Variants in TUSC3 observed in about 807,000 individuals in gnomAD.
TUSC3 encodes the protein tumor suppressor candidate 3.
TUSC3 carries 45 observed loss-of-function variants against 44.8 expected under a neutral mutation model. The ratio of observed to expected loss-of-function variants is 1.00; its 90% CI spans 0.79 to 1.29. The LOEUF (loss-of-function observed/expected upper bound fraction) is 1.29. TUSC3 is among the 50% of genes most tolerant of loss of function. The probability of loss-of-function intolerance (pLI) is 0.00; values close to 1 mark genes in which losing one functional copy is unlikely to be tolerated. For missense variants in TUSC3, 519 were observed against 437.9 expected, an observed-to-expected ratio of 1.19 and a Z score of -1.65; for synonymous variants, 212 against 152.9, an observed-to-expected ratio of 1.39 and a Z score of -2.85.
At chr8:15,689,982 G>A (rs967214436) in intron 6 of TUSC3, among the ~76,000 whole-genome samples, 2 of 152,026 alleles carry the variant, frequency 1.3e-5, no homozygotes, top group African/African-American at 4.8e-5. Context: ...ATACACGTCT[G>A]TGTGTCTTTA....
chr8:15,421,750 G>C (rs904461272), intron 1 of TUSC3, among the ~76,000 whole-genome samples: 2 of 152,198 alleles, frequency 1.3e-5, no homozygotes, highest in Middle Eastern at 3.4e-3. Context: ...AAGAAAATGA[G>C]GTCTCCACGT....
the TUSC3 span, among the ~76,000 whole-genome samples, chr8:15,841,068 T>C: frequency 6.6e-6 from 1 of 152,288 alleles, no homozygotes; most frequent in Non-Finnish European, 1.5e-5. Flanking sequence ...TTTCCATTAG[T>C]GGAAGTTGTT....
At chr8:15,640,754 C>G (rs985571505) in intron 2 of TUSC3, among the ~76,000 whole-genome samples, 4 of 152,118 alleles carry the variant, frequency 2.6e-5, no homozygotes, top group African/African-American at 9.7e-5. Flanking sequence ...TATAAATTCT[C>G]TCCTGGATCC....
intron 1 of TUSC3, among the ~76,000 whole-genome samples, chr8:15,451,547 C>G (rs955918566): frequency 6.6e-6 from 1 of 152,172 alleles, no homozygotes; most frequent in Non-Finnish European, 1.5e-5. Flanking sequence ...GACAGTGGCA[C>G]AGCGGGAGAG....
Position 15,748,479 on chromosome 8 carries a change from A to T in TUSC3, c.1028+14A>T. On this transcript the variant is annotated intron_variant, in intron 9 of 10. Transcript: ENST00000503731. Reference sequence around the variant, plus strand: ...CTATCCTTATAGGTAATATCTTTATACTAACATGAATGTTTTTATTTTTAA... The same window carrying T: ...CTATCCTTATAGGTAATATCTTTATTCTAACATGAATGTTTTTATTTTTAA... The T allele has an allele frequency of 6.4e-7, 1 of 1,552,022 alleles. No homozygotes were observed. Among genetic ancestry groups the T allele is most frequent in the Non-Finnish European group, 8.9e-7 (1 of 1,123,868 alleles).
At chr8:15,583,423 G>A (rs1803460189) in intron 1 of TUSC3, among the ~76,000 whole-genome samples, 1 of 152,052 alleles carries the variant, frequency 6.6e-6, no homozygotes, top group Admixed American at 6.6e-5. Context: ...TGCTACATGA[G>A]GATTACTGGA....
intron 1 of TUSC3, among the ~76,000 whole-genome samples, chr8:15,620,520 C>T (rs1271042799): frequency 1.3e-5 from 2 of 151,962 alleles, no homozygotes; most frequent in Middle Eastern, 3.4e-3. Context: ...AGAAAAATGA[C>T]GTATATATAT....
At chr8:15,630,144 A>G (rs536815120) in intron 2 of TUSC3, among the ~76,000 whole-genome samples, 5 of 152,258 alleles carry the variant, frequency 3.3e-5, no homozygotes, top group African/African-American at 1.2e-4. Flanking sequence ...AAATATCCTC[A>G]TGGAAGGATG....
intron 1 of TUSC3, among the ~76,000 whole-genome samples, chr8:15,436,607 TC>T (rs1585788277): frequency 6.6e-6 from 1 of 152,214 alleles, no homozygotes; most frequent in East Asian, 1.9e-4. Flanking sequence ...TTTATGTTAA[TC>T]ATGGGTTCAG....
chr8:15,485,037 A>G (rs962137416), intron 2 of TUSC3, among the ~76,000 whole-genome samples: 1 of 152,256 alleles, frequency 6.6e-6, no homozygotes, highest in Middle Eastern at 3.4e-3. Context: ...CTCTGCCCTA[A>G]GTGTGTCTCA....
intron 1 of TUSC3, among the ~76,000 whole-genome samples, chr8:15,457,515 C>T (rs1800272669): frequency 6.6e-6 from 1 of 151,166 alleles, no homozygotes; most frequent in Non-Finnish European, 1.5e-5. Context: ...TATGGATTCA[C>T]ATTTATATAC....
chr8:15,510,746 C>G (rs911273809), intron 2 of TUSC3, among the ~76,000 whole-genome samples: 2 of 149,810 alleles, frequency 1.3e-5, no homozygotes, highest in Non-Finnish European at 3.0e-5. Flanking sequence ...GTCAGTGTTA[C>G]TCTCATTACA....
chr8:15,669,040 G>A (rs1807811690), intron 5 of TUSC3, among the ~76,000 whole-genome samples: 1 of 151,680 alleles, frequency 6.6e-6, no homozygotes. Context: ...GACTCTTATT[G>A]GAAAACCTTC....
At chr8:15,711,070 T>C (rs567421993) in intron 6 of TUSC3, among the ~76,000 whole-genome samples, 2 of 151,688 alleles carry the variant, frequency 1.3e-5, no homozygotes, top group Non-Finnish European at 2.9e-5. Context: ...TCTGATAATG[T>C]AGACATTAAA....
chr8:15,689,192 G>A, intron 6 of TUSC3: 1 of 368,294 alleles, frequency 2.7e-6, no homozygotes, highest in Non-Finnish European at 5.4e-6. Context: ...AAGCAGCAAG[G>A]GCTGCTAAGC....
intron 1 of TUSC3, among the ~76,000 whole-genome samples, chr8:15,582,017 C>G (rs372510191): frequency 6.6e-6 from 1 of 151,986 alleles, no homozygotes; most frequent in Non-Finnish European, 1.5e-5. Context: ...TGTGGTGCGC[C>G]GCTTTTTAAG....
intron 2 of TUSC3, among the ~76,000 whole-genome samples, chr8:15,624,416 C>T (rs1473047248): frequency 6.6e-6 from 1 of 152,190 alleles, no homozygotes; most frequent in Non-Finnish European, 1.5e-5. Context: ...ATGGCTGTAT[C>T]ATTTCACATT....
At chr8:15,743,861 GTGCTCTAATCCATCCC>G (rs1811297173) in intron 8 of TUSC3, among the ~76,000 whole-genome samples, 1 of 152,118 alleles carries the variant, frequency 6.6e-6, no homozygotes, top group Admixed American at 6.6e-5. Context: ...CCTTGTCAGG[GTGCTCTAATCCATCCC>G]TGCTGAAGCC....
chr8:15,505,444 A>G (rs980428806), intron 2 of TUSC3, among the ~76,000 whole-genome samples: 2 of 152,224 alleles, frequency 1.3e-5, no homozygotes, highest in Admixed American at 1.3e-4. Flanking sequence ...TTGCTGTTGC[A>G]TAACCTTAGC....
Sources: gnomAD v4.1 joint callset for allele counts (sites outside exome capture counted in the v4.1 genomes callset) on GRCh38, gnomAD v4.1.1 for gene constraint, MANE v1.5 for transcripts, NCBI Gene and HGNC (gene_info 2026-07-23, HGNC 2026-07-21) for gene names.